Variants in RTN1 observed in about 807,000 individuals in gnomAD.
RTN1 encodes reticulon 1, also known as reticulon-1.
A neutral mutation model predicts 65.5 loss-of-function variants in RTN1; 25 were observed. The observed-to-expected ratio is 0.38, with a 90% CI of 0.28 to 0.53. The LOEUF is 0.53. Among genes scored for constraint, RTN1 ranks in the 20% least tolerant of loss-of-function variants. The pLI, the probability that RTN1 is intolerant of heterozygous loss-of-function variation, is 0.79. For missense variants in RTN1, 983 were observed against 1,025.4 expected, an observed-to-expected ratio of 0.96 and a Z score of 0.57; for synonymous variants, 471 against 447.6, an observed-to-expected ratio of 1.05 and a Z score of -0.66.
At chr14:59,780,714 G>T (rs1419389689) in intron 1 of RTN1, among the ~76,000 whole-genome samples, 1 of 152,128 alleles carries the variant, frequency 6.6e-6, no homozygotes, top group East Asian at 1.9e-4. Context: ...ACAAATAAAG[G>T]ACTGAGGAGG....
chr14:59,803,383 G>A lies in RTN1; in HGVS notation c.242-56902C>T, dbSNP rs532842956. 9.2e-5 allele frequency among the ~76,000 whole-genome samples: 14 copies of A among 152,262 alleles called. No individual in the cohort carries two copies. In the South Asian group the frequency reaches 2.3e-3, roughly 25 times the overall value. On this transcript the variant is annotated intron_variant, in intron 1 of 8. Coordinates refer to ENST00000267484, the MANE Select transcript of RTN1 (RefSeq NM_021136.3). This position sits in a 1 kb window ranked among gnomAD's most constrained non-coding sequence, Gnocchi z 5.6. ...CCTTCAGGAGGGGAACTAGTATCTC[G>A]GGGAATGAATGACCTACTTCCCTCA... is the stretch of plus-strand genomic sequence containing the variant.
At chr14:59,838,569 A>C (rs535929024) in intron 1 of RTN1, among the ~76,000 whole-genome samples, 24 of 152,196 alleles carry the variant, frequency 1.6e-4, no homozygotes, top group Non-Finnish European at 1.5e-5. Flanking sequence ...TGATGTCAGA[A>C]GATGTTGAAA....
chr14:59,658,063 G>A (rs1883160796), intron 3 of RTN1, among the ~76,000 whole-genome samples: 4 of 152,174 alleles, frequency 2.6e-5, no homozygotes, highest in Admixed American at 2.6e-4. Context: ...GTGGGGGGAG[G>A]GGCATCCGCC....
chr14:59,607,820 C>T (rs879371538), intron 3 of RTN1, among the ~76,000 whole-genome samples: 4 of 151,578 alleles, frequency 2.6e-5, no homozygotes, highest in Non-Finnish European at 5.9e-5. Flanking sequence ...TTGAAACAAA[C>T]TTGAAAATAT....
At chr14:59,635,980 G>A (rs1882657631) in intron 3 of RTN1, among the ~76,000 whole-genome samples, 1 of 152,006 alleles carries the variant, frequency 6.6e-6, no homozygotes, top group Non-Finnish European at 1.5e-5. Flanking sequence ...ATGACATTGA[G>A]GACTTACATT....
chr14:59,643,851 A>C (rs1383136156), intron 3 of RTN1, among the ~76,000 whole-genome samples: 3 of 152,104 alleles, frequency 2.0e-5, no homozygotes, highest in Non-Finnish European at 4.4e-5. Flanking sequence ...TCAACAAAAA[A>C]TTACTAGACA....
chr14:59,853,017 T>C (rs1406863389), intron 1 of RTN1, among the ~76,000 whole-genome samples: 1 of 152,224 alleles, frequency 6.6e-6, no homozygotes, highest in Non-Finnish European at 1.5e-5. Flanking sequence ...GAGATTTTAT[T>C]GAACCATGAA....
At chr14:59,818,700 C>A (rs1434053274) in intron 1 of RTN1, among the ~76,000 whole-genome samples, 1 of 152,120 alleles carries the variant, frequency 6.6e-6, no homozygotes, top group Non-Finnish European at 1.5e-5. Flanking sequence ...ATTTCTGGAC[C>A]AAAAGGTAGC....
intron 3 of RTN1, among the ~76,000 whole-genome samples, chr14:59,658,728 G>A (rs1456462260): frequency 6.6e-6 from 1 of 152,128 alleles, no homozygotes; most frequent in Non-Finnish European, 1.5e-5. Context: ...CCATCCGATG[G>A]TCACCAACAT....
chr14:59,622,657 T>C (rs902172265), intron 3 of RTN1, among the ~76,000 whole-genome samples: 3 of 152,216 alleles, frequency 2.0e-5, no homozygotes, highest in Non-Finnish European at 4.4e-5. Flanking sequence ...AAGTAATTTT[T>C]CCTACTTTAA....
chr14:59,645,096 G>T (rs1486876235), intron 3 of RTN1, among the ~76,000 whole-genome samples: 1 of 152,186 alleles, frequency 6.6e-6, no homozygotes, highest in Non-Finnish European at 1.5e-5. Context: ...CAGCTAGACT[G>T]CCTTTCCTTA....
intron 3 of RTN1, among the ~76,000 whole-genome samples, chr14:59,719,323 T>C (rs1208150165): frequency 6.6e-6 from 1 of 152,212 alleles, no homozygotes; most frequent in East Asian, 1.9e-4. Flanking sequence ...CATTTTATAT[T>C]GTCTGGAACT....
chr14:59,633,552 A>T (rs1882600444), intron 3 of RTN1, among the ~76,000 whole-genome samples: 1 of 152,256 alleles, frequency 6.6e-6, no homozygotes, highest in Non-Finnish European at 1.5e-5. Flanking sequence ...TCTTGCCAAG[A>T]TCAAAACGAT....
At chr14:59,844,498 T>C (rs1208420149) in intron 1 of RTN1, among the ~76,000 whole-genome samples, 1 of 152,212 alleles carries the variant, frequency 6.6e-6, no homozygotes, top group Non-Finnish European at 1.5e-5. Context: ...CCTTTATTAT[T>C]CCCTTTTGCT....
chr14:59,748,168 C>T (rs1005431330), intron 1 of RTN1, among the ~76,000 whole-genome samples: 1 of 151,684 alleles, frequency 6.6e-6, no homozygotes, highest in African/African-American at 2.4e-5. Flanking sequence ...AGCCAAGAAA[C>T]CTCCCCTAAT....
chr14:59,731,629 T>C (rs979585398), intron 2 of RTN1, among the ~76,000 whole-genome samples: 1 of 152,236 alleles, frequency 6.6e-6, no homozygotes, highest in Non-Finnish European at 1.5e-5. Context: ...TTCTACTGAA[T>C]ACATCATTTC....
At chr14:59,838,027 G>A (rs1201877639) in intron 1 of RTN1, among the ~76,000 whole-genome samples, 1 of 152,038 alleles carries the variant, frequency 6.6e-6, no homozygotes, top group Non-Finnish European at 1.5e-5. Context: ...GAGGTTTGGG[G>A]TACAAATGAT....
intron 1 of RTN1, among the ~76,000 whole-genome samples, chr14:59,863,648 C>A (rs1429171736): frequency 1.3e-5 from 2 of 152,136 alleles, no homozygotes; most frequent in Non-Finnish European, 1.5e-5. Context: ...CCAACAACTC[C>A]CAATGTATAT....
intron 1 of RTN1, among the ~76,000 whole-genome samples, chr14:59,767,063 T>C (rs1885863446): frequency 6.6e-6 from 1 of 152,154 alleles, no homozygotes; most frequent in Non-Finnish European, 1.5e-5. Flanking sequence ...TATGCAGGCA[T>C]AGCAGAGCCT....
Sources: gnomAD v4.1 joint callset for allele counts (sites outside exome capture counted in the v4.1 genomes callset) on GRCh38, gnomAD v4.1.1 for gene constraint, Gnocchi (gnomAD v3.1) non-coding constraint, MANE v1.5 for transcripts, NCBI Gene and HGNC (gene_info 2026-07-23, HGNC 2026-07-21) for gene names.